ANXA11: variants seen among roughly 807,000 people sequenced by gnomAD.
ANXA11 encodes annexin A11.
A neutral mutation model predicts 64.7 loss-of-function variants in ANXA11; 57 were observed. The ratio of observed to expected loss-of-function variants is 0.88; its 90% CI spans 0.71 to 1.10. ANXA11 has a LOEUF of 1.10. Among genes scored for constraint, ANXA11 ranks in the 50% least tolerant of loss-of-function variants. ANXA11 has a pLI of 0.00. For missense variants in ANXA11, 675 were observed against 670.7 expected (o/e 1.01, Z -0.07); for synonymous variants, 260 against 265.2 (o/e 0.98, Z 0.19).
In ANXA11 at chr10:80,152,214, G is replaced by A. The variant is rs544834951; in HGVS notation, c.*3639C>T. On this transcript the variant is annotated 3_prime_UTR_variant, in exon 16 of 16. Coordinates refer to ENST00000422982, the MANE Select transcript of ANXA11 (RefSeq NM_145868.2). ...GACTGGCCTTGACTAACATATCCAG[G>A]AGGCAGGAGAAGACCCATTGTGTTC... 4.6e-5 allele frequency: 7 copies of A among 152,328 alleles called. No individual in the cohort carries two copies. Among genetic ancestry groups the A allele is most frequent in the Admixed American group, 4.6e-4 (7 of 15,300 alleles). 9.4% of individuals were successfully genotyped at this position (152,328 alleles called of 1,614,324 possible). A position where few individuals can be genotyped will look rare whatever the true frequency, so the allele number is the denominator to read the frequency against.
rs1845152171 is a variant in ANXA11 at position 80,151,241 on chromosome 10, TCAAGCTAAACAC to T, written c.*4600_*4611del. 6.6e-6 allele frequency: 1 copy of T among 152,172 alleles called. No individual in the cohort carries two copies. Among genetic ancestry groups the T allele is most frequent in the Non-Finnish European group, 1.5e-5 (1 of 68,054 alleles). 9.4% of individuals were successfully genotyped at this position (152,172 alleles called of 1,614,324 possible). Reference sequence around the variant, plus strand: ...TCTTAGTGTTGAGAAGGAGTCAGGCTCAAGCTAAACACCAATATTAGGCCAAGGGGCAGCTTT... The same window carrying T: ...TCTTAGTGTTGAGAAGGAGTCAGGCTCAATATTAGGCCAAGGGGCAGCTTT... On this transcript the variant is annotated 3_prime_UTR_variant, in exon 16 of 16. Coordinates refer to ENST00000422982, the MANE Select transcript of ANXA11 (RefSeq NM_145868.2).
intron 1 of ANXA11, among the ~76,000 whole-genome samples, chr10:80,201,042 C>T (rs1052835410): frequency 3.9e-5 from 6 of 152,154 alleles, no homozygotes; most frequent in Non-Finnish European, 7.4e-5. Context: ...CAGAATCAAA[C>T]ACTCCCTCAA....
chr10:80,162,102 T>C (rs964068739), intron 11 of ANXA11, 74 bp from the exon 12 acceptor site: 1 of 1,293,472 alleles, frequency 7.7e-7, no homozygotes, highest in Non-Finnish European at 1.1e-6. Context: ...CAGGAGAGCC[T>C]GGTAAACTTC....
chr10:80,194,115 A>C (rs1452422661), intron 1 of ANXA11, among the ~76,000 whole-genome samples: 1 of 152,198 alleles, frequency 6.6e-6, no homozygotes, highest in Non-Finnish European at 1.5e-5. Context: ...ACTAGCAGCC[A>C]GTCTGTGAGA....
chr10:80,162,242 C>T (rs1368830133), intron 11 of ANXA11, among the ~76,000 whole-genome samples: 1 of 152,218 alleles, frequency 6.6e-6, no homozygotes, highest in Non-Finnish European at 1.5e-5. Flanking sequence ...TGAGATCCCA[C>T]AGGTCAAGAT....
Position 80,162,046 on chromosome 10 carries a change from C to T in ANXA11, c.1087-18G>A, listed in dbSNP as rs45557433. The T allele has an allele frequency of 1.4e-4, 228 of 1,602,506 alleles. No individual in the cohort carries two copies. The highest frequency in any genetic ancestry group is 3.3e-4 in the Middle Eastern group (2 of 6,042). On this transcript the variant is annotated intron_variant, in intron 11 of 15. Transcript: ENST00000422982. ...TACAGCTCCTGGAGAGAGAGGAAGA[C>T]GCACATGTGGCACAGGCCACACCCA...
intron 3 of ANXA11, chr10:80,171,235 GAGGACAGACA>G: frequency 8.2e-7 from 1 of 1,222,116 alleles, no homozygotes; most frequent in African/African-American, 1.6e-5. Flanking sequence ...CATGGAGCAG[GAGGACAGACA>G]AGGACAGACT....
At chr10:80,187,113 G>GC (rs1405959506) in intron 1 of ANXA11, among the ~76,000 whole-genome samples, 1 of 152,160 alleles carries the variant, frequency 6.6e-6, no homozygotes, top group African/African-American at 2.4e-5. Context: ...GACAGAAAAA[G>GC]CCCCCCACCC....
At chr10:80,159,782 G>A (rs900878148) in intron 12 of ANXA11, among the ~76,000 whole-genome samples, 3 of 152,062 alleles carry the variant, frequency 2.0e-5, no homozygotes, top group South Asian at 4.1e-4. Flanking sequence ...TAACCAAATC[G>A]CACCTTAATA....
chr10:80,190,324 T>C (rs1846717586), intron 1 of ANXA11, among the ~76,000 whole-genome samples: 1 of 152,228 alleles, frequency 6.6e-6, no homozygotes, highest in Non-Finnish European at 1.5e-5. Flanking sequence ...CACAAGTTTG[T>C]GGTAATTTGT....
Position 80,158,011 on chromosome 10 carries a change from T to C in ANXA11, c.1291A>G (p.Asn431Asp). The C allele has an allele frequency of 6.2e-7, 1 of 1,614,044 alleles. No individual in the cohort carries two copies. Among genetic ancestry groups the C allele is most frequent in the Non-Finnish European group, 8.5e-7 (1 of 1,179,992 alleles). The change falls in exon 14 of 16, where the codon AAT (asparagine) becomes GAT (aspartate). Residue 431 changes from asparagine to aspartate, a missense_variant. Transcript: ENST00000422982. ...CTCTCCGCAAAGAAGGCTGGGGTAT[T>C]CTTGAGACATTTCACTAGAAGAGAG... is the stretch of plus-strand genomic sequence containing the variant. ...GMLAVVKCLKNTPAFFAERLN... is the reference protein window; with the variant it reads ...GMLAVVKCLKDTPAFFAERLN...
rs1471975803 is a variant in ANXA11 at position 80,153,092 on chromosome 10, C to G, written c.*2761G>C. The G allele has an allele frequency of 2.0e-5, 3 of 152,228 alleles. No homozygotes were observed. The highest frequency in any genetic ancestry group is 4.4e-5 in the Non-Finnish European group (3 of 68,050). The allele number at this position is 152,228 out of a possible 1,614,324, so 9.4% of individuals were successfully genotyped here. On this transcript the variant is annotated 3_prime_UTR_variant, in exon 16 of 16. Transcript: ENST00000422982. ...GCCTGGATATCCACCTTGGTCTATT[C>G]CTTGACCAAAGCACATCCATGTACT...
In ANXA11 at chr10:80,169,278, T is replaced by C; in HGVS notation, c.252A>G (p.Pro84=). 1 of 1,611,840 alleles carries C rather than the reference T, an allele frequency of 6.2e-7. No homozygotes were observed. Residue 84 remains proline, a synonymous_variant, in exon 5 of 16, where the codon CCA becomes CCG. Transcript: ENST00000422982. The stretch of plus-strand genomic sequence containing the variant: ...GCTGCCCAAAGCCGCCAGGGGGCAC[T>C]GGTGGGTAGCCAGCCCCAGGGGCCC... ...YPGAPGAGYP[P]VPPGGFGQPP...
At position 80,188,511 on chromosome 10, in the gene ANXA11, A is replaced by ATATATATATATATATATATG. The variant is rs1554834982; in HGVS notation, c.-57-12357_-57-12356insCATATATATATATATATATA. Reference sequence around the variant, plus strand: ...TATATATATATATATATATATATATAGCACTACAACAGGTATTAGCACACA... The same window carrying ATATATATATATATATATATG: ...TATATATATATATATATATATATATATATATATATATATATATATGGCACTACAACAGGTATTAGCACACA... On this transcript the variant is annotated intron_variant, in intron 1 of 15. Coordinates refer to ENST00000422982, the MANE Select transcript of ANXA11 (RefSeq NM_145868.2). 6.8e-3 allele frequency among the ~76,000 whole-genome samples: 857 copies of ATATATATATATATATATATG among 126,278 alleles called. 46 individuals are homozygous for ATATATATATATATATATATG. The highest frequency in any genetic ancestry group is 9.8e-3 in the Non-Finnish European group (586 of 59,546). The allele number at this position is 126,278 out of a possible 152,430, so 82.8% of individuals were successfully genotyped here. A position where few individuals can be genotyped will look rare whatever the true frequency, so the allele number is the denominator to read the frequency against.
At chr10:80,157,238 CCTTA>C (rs775343051) in intron 15 of ANXA11, 11 of 985,454 alleles carry the variant, frequency 1.1e-5, no homozygotes, top group Non-Finnish European at 1.2e-5. Context: ...CTCTGAACGG[CCTTA>C]CTATGTGGCC....
At chr10:80,171,109 C>A in intron 3 of ANXA11, 194 bp from the exon 4 acceptor site, 3 of 1,501,590 alleles carry the variant, frequency 2.0e-6, no homozygotes, top group South Asian at 2.5e-5. Flanking sequence ...GGAGGGGAAA[C>A]CTTCCCCTCT....
intron 13 of ANXA11, among the ~76,000 whole-genome samples, chr10:80,158,852 G>A (rs1275434418): frequency 1.3e-5 from 2 of 152,180 alleles, no homozygotes; most frequent in Non-Finnish European, 2.9e-5. Flanking sequence ...TACCCACACT[G>A]CAGTTCCCTA....
At chr10:80,178,407 GGGCCTCCTGCACACAGCAGGCAGCT>G (rs1174247789) in intron 1 of ANXA11, among the ~76,000 whole-genome samples, 1 of 152,230 alleles carries the variant, frequency 6.6e-6, no homozygotes, top group African/African-American at 2.4e-5. Flanking sequence ...TCACTGGAGA[GGGCCTCCTGCACACAGCAGGCAGCT>G]GGCCTCCTTA....
rs1845194868 is a variant in ANXA11 at position 80,153,614 on chromosome 10, C to A, written c.*2239G>T. On this transcript the variant is annotated 3_prime_UTR_variant, in exon 16 of 16. Transcript: ENST00000422982. ...ATGCCAAGCACCCCATCCCATCAGG[C>A]AGGTCCCACCTGGCACCCAAGGGCA... 1 of 152,298 alleles carries A rather than the reference C, an allele frequency of 6.6e-6. No homozygotes were observed. Among genetic ancestry groups the A allele is most frequent in the African/African-American group, 2.4e-5 (1 of 41,476 alleles). 9.4% of individuals were successfully genotyped at this position (152,298 alleles called of 1,614,324 possible).
Sources: allele counts gnomAD v4.1 joint callset (sites outside exome capture counted in the v4.1 genomes callset), GRCh38; gene constraint gnomAD v4.1.1; transcripts MANE v1.5; gene names NCBI Gene and HGNC (gene_info 2026-07-23, HGNC 2026-07-21).